FAAH2: variants seen among roughly 807,000 people sequenced by gnomAD.
FAAH2 encodes the protein fatty acid amide hydrolase 2.
A neutral mutation model predicts 36.9 loss-of-function variants in FAAH2; 60 were observed. The ratio of observed to expected loss-of-function variants is 1.63; its 90% confidence interval spans 1.32 to 2.02. FAAH2 has a LOEUF of 2.02. Ranked by LOEUF, FAAH2 falls within the 30% of genes most tolerant of loss-of-function variation. The pLI is 0.00. For missense variants in FAAH2, 689 were observed against 397.5 expected (o/e 1.73, Z -6.23); for synonymous variants, 214 against 143.8 (o/e 1.49, Z -3.49).
At chrX:57,197,595 C>T in the FAAH2 span, among the ~76,000 whole-genome samples, 2 of 110,012 alleles carry the variant, frequency 1.8e-5, no homozygotes, top group Non-Finnish European at 3.8e-5. Context: ...CTCCTTTTTT[C>T]CCCATGGATC....
At chrX:57,265,196 T>C in the FAAH2 span, among the ~76,000 whole-genome samples, 1 of 111,514 alleles carries the variant, frequency 9.0e-6, no homozygotes, top group African/African-American at 3.3e-5. Flanking sequence ...AAGCATCCAC[T>C]CAGGCATGCA....
the FAAH2 span, among the ~76,000 whole-genome samples, chrX:57,154,689 T>C: frequency 9.0e-6 from 1 of 111,598 alleles, no homozygotes; most frequent in African/African-American, 3.3e-5. Flanking sequence ...CAGGGATTTC[T>C]TGGTTTGTAT....
chrX:57,276,798 G>A, the FAAH2 span, among the ~76,000 whole-genome samples: 8 of 111,207 alleles, frequency 7.2e-5, no homozygotes, highest in Non-Finnish European at 1.3e-4. Context: ...TATAAGCACC[G>A]GTACACAAAT....
At chrX:57,328,932 G>T (rs923704227) in intron 3 of FAAH2, among the ~76,000 whole-genome samples, 7 of 111,305 alleles carry the variant, frequency 6.3e-5, no homozygotes, top group African/African-American at 2.3e-4. Flanking sequence ...CTTCTGGGAG[G>T]GCTGAGGTCC....
intron 7 of FAAH2, among the ~76,000 whole-genome samples, chrX:57,410,011 T>C (rs1488938532): frequency 9.0e-6 from 1 of 111,187 alleles, no homozygotes; most frequent in Non-Finnish European, 1.9e-5. Context: ...TAGGTGTTTA[T>C]TGCCATAAGT....
the FAAH2 span, among the ~76,000 whole-genome samples, chrX:57,158,026 G>A: frequency 2.7e-5 from 3 of 110,429 alleles, no homozygotes; most frequent in African/African-American, 6.6e-5. Flanking sequence ...AGGCCCCGGT[G>A]TGTGATCTTC....
intron 7 of FAAH2, among the ~76,000 whole-genome samples, chrX:57,391,737 T>C (rs2055171278): frequency 9.0e-6 from 1 of 111,539 alleles, no homozygotes; most frequent in Non-Finnish European, 1.9e-5. Context: ...TTTTTTAGTA[T>C]ATTTTGAAGT....
the FAAH2 span, among the ~76,000 whole-genome samples, chrX:57,212,542 GA>G: frequency 1.8e-5 from 2 of 112,126 alleles, no homozygotes; most frequent in Non-Finnish European, 3.8e-5. Context: ...CAAAACTTCT[GA>G]AAATAAAATA....
the FAAH2 span, among the ~76,000 whole-genome samples, chrX:57,185,528 G>A: frequency 2.1e-4 from 22 of 105,463 alleles, no homozygotes; most frequent in Non-Finnish European, 2.7e-4. Flanking sequence ...GTGTGTGTTC[G>A]TGTGTGCGTG....
chrX:57,295,821 G>A (rs2052130112), intron 2 of FAAH2, among the ~76,000 whole-genome samples: 1 of 112,536 alleles, frequency 8.9e-6, no homozygotes, highest in African/African-American at 3.2e-5. Flanking sequence ...CCCGCACTTG[G>A]ATCAGAGGGT....
the FAAH2 span, among the ~76,000 whole-genome samples, chrX:57,163,570 G>A: frequency 2.3e-4 from 26 of 112,169 alleles, no homozygotes; most frequent in Non-Finnish European, 3.8e-4. Context: ...GTGGTGCGCC[G>A]TTTTTTAAGC....
chrX:57,194,509 CTAA>C, the FAAH2 span, among the ~76,000 whole-genome samples: 1 of 110,910 alleles, frequency 9.0e-6, no homozygotes, highest in African/African-American at 3.3e-5. Context: ...TATTTCTTCT[CTAA>C]TGTTTGTTAT....
At chrX:57,135,594 C>T in the FAAH2 span, 28 of 651,512 alleles carry the variant, frequency 4.3e-5, no homozygotes, top group South Asian at 8.1e-4. Context: ...TTCCATGCCC[C>T]ATCTACCAAA....
At chrX:57,162,287 C>G in the FAAH2 span, among the ~76,000 whole-genome samples, 1 of 111,596 alleles carries the variant, frequency 9.0e-6, no homozygotes, top group East Asian at 2.8e-4. Context: ...TCTGGCTGCC[C>G]TTAACATTTT....
Position 57,292,588 on chromosome X carries a change from T to C in FAAH2, c.275+8T>C. 1 of 1,198,361 alleles carries C rather than the reference T, an allele frequency of 8.3e-7. No homozygotes were observed. On this transcript the variant is annotated splice_region_variant and intron_variant, in intron 2 of 10. Coordinates refer to ENST00000374900, the MANE Select transcript of FAAH2 (RefSeq NM_174912.4). The stretch of plus-strand genomic sequence containing the variant: ...TGGAATTGTCAAGTACAGGTGAGCA[T>C]TTCCACTCTCTCAAGGAGTCATTTA...
chrX:57,337,587 C>A (rs778571719), intron 4 of FAAH2, among the ~76,000 whole-genome samples: 6 of 112,200 alleles, frequency 5.3e-5, no homozygotes, highest in African/African-American at 1.6e-4. Context: ...CCCTACGATG[C>A]AAGTTTGGCT....
chrX:57,382,675 C>A (rs1341808584), intron 7 of FAAH2, among the ~76,000 whole-genome samples: 2 of 111,575 alleles, frequency 1.8e-5, no homozygotes, highest in African/African-American at 6.5e-5. Context: ...GAAACTGAGG[C>A]CATAATTAAT....
At chrX:57,299,977 A>G (rs2052292366) in intron 2 of FAAH2, among the ~76,000 whole-genome samples, 1 of 111,803 alleles carries the variant, frequency 8.9e-6, no homozygotes, top group African/African-American at 3.3e-5. Flanking sequence ...AAATGGAAGA[A>G]AATTCCATGC....
chrX:57,124,341 C>G, the FAAH2 span, among the ~76,000 whole-genome samples: 1 of 111,345 alleles, frequency 9.0e-6, no homozygotes, highest in Non-Finnish European at 1.9e-5. Context: ...TCTGAGGGCT[C>G]TGTTCTGTTC....
Sources: gnomAD v4.1 joint callset for allele counts (sites outside exome capture counted in the v4.1 genomes callset) on GRCh38, gnomAD v4.1.1 for gene constraint, MANE v1.5 for transcripts, NCBI Gene and HGNC (gene_info 2026-07-23, HGNC 2026-07-21) for gene names.